Variants in FMN2 observed in about 807,000 individuals in gnomAD.
The protein encoded by FMN2 is formin 2, also known as formin-2.
FMN2 carries 51 observed loss-of-function variants against 142.3 expected under a neutral mutation model. The observed-to-expected ratio is 0.36, with a 90% CI of 0.29 to 0.45. FMN2 has a LOEUF of 0.45. Among genes scored for constraint, FMN2 ranks in the 20% least tolerant of loss-of-function variants. The pLI is 1.00. For synonymous variants in FMN2, 882 were observed against 869.8 expected (o/e 1.01, Z -0.25); for missense variants, 1,936 against 2,122.8 (o/e 0.91, Z 1.73).
At chr1:240,430,532 G>C (rs535006040) in intron 15 of FMN2, among the ~76,000 whole-genome samples, 1 of 151,822 alleles carries the variant, frequency 6.6e-6, no homozygotes, top group East Asian at 1.9e-4. Context: ...TTTCTCTTTT[G>C]ATTAGTCCTT....
chr1:240,438,343 G>C (rs1336447077), intron 16 of FMN2, 133 bp downstream of exon 16: 2 of 972,322 alleles, frequency 2.1e-6, no homozygotes, highest in Non-Finnish European at 3.0e-6. Context: ...AGTTGAAGAG[G>C]ATGCTGACAT....
intron 14 of FMN2, among the ~76,000 whole-genome samples, chr1:240,361,179 A>ATATATATATG (rs1672467593): frequency 1.9e-5 from 2 of 105,990 alleles, no homozygotes; most frequent in Admixed American, 8.9e-5. Context: ...ATATATATAT[A>ATATATATATG]TATATAAAAG....
chr1:240,222,784 C>T (rs891748749), intron 6 of FMN2, among the ~76,000 whole-genome samples: 1 of 151,990 alleles, frequency 6.6e-6, no homozygotes, highest in Non-Finnish European at 1.5e-5. Flanking sequence ...CATGATTTGG[C>T]TCTCTGTTTG....
intron 1 of FMN2, among the ~76,000 whole-genome samples, chr1:240,096,462 G>C (rs1419727903): frequency 6.6e-6 from 1 of 152,134 alleles, no homozygotes; most frequent in Non-Finnish European, 1.5e-5. Flanking sequence ...ACAGGCCCTT[G>C]TGTCTCAGCT....
chr1:240,172,922 C>G (rs575556094), intron 2 of FMN2, among the ~76,000 whole-genome samples: 1 of 150,876 alleles, frequency 6.6e-6, no homozygotes, highest in Non-Finnish European at 1.5e-5. Flanking sequence ...GCCAGTGGCC[C>G]TTTTTTTTGT....
At chr1:240,098,096 A>ATTT (rs1558293621) in intron 1 of FMN2, among the ~76,000 whole-genome samples, 1 of 81,194 alleles carries the variant, frequency 1.2e-5, no homozygotes, top group African/African-American at 7.1e-5. Flanking sequence ...GGTTATCTTG[A>ATTT]ATTTTTTTTT....
rs375828040 is a variant in FMN2 at position 240,231,093 on chromosome 1, A to G, written c.4065+19858A>G. ...CTTGGCTGTTGTGTTGTAAGTAAAA[A>G]CTTTCCTATTCCAGTAATGCCAGCC... On this transcript the variant is annotated intron_variant, in intron 6 of 17. Transcript: ENST00000319653. Among the ~76,000 whole-genome samples the G allele has an allele frequency of 1.2e-3, 161 of 131,470 alleles. 45 individuals carry two copies. The highest frequency in any genetic ancestry group is 5.1e-3 in the African/African-American group (158 of 30,694). 86.2% of individuals were successfully genotyped at this position (131,470 alleles called of 152,430 possible).
intron 13 of FMN2, among the ~76,000 whole-genome samples, chr1:240,342,436 T>C (rs1036693470): frequency 6.6e-6 from 1 of 152,224 alleles, no homozygotes; most frequent in African/African-American, 2.4e-5. Flanking sequence ...GTAATTTGAT[T>C]CTTGTAGGAA....
chr1:240,470,025 T>G (rs1459991035), intron 16 of FMN2, among the ~76,000 whole-genome samples: 1 of 152,172 alleles, frequency 6.6e-6, no homozygotes, highest in African/African-American at 2.4e-5. Flanking sequence ...TGTATTAGAC[T>G]CGGTTTCCTG....
rs58002724 is a variant in FMN2, at chr1:240,355,951, C to CAAAAAAAAAAAAA, written c.4858+66_4858+78dup. On this transcript the variant is annotated intron_variant, in intron 14 of 17. Coordinates refer to ENST00000319653, the MANE Select transcript of FMN2 (RefSeq NM_020066.5). ...GTGTTATGTTTTTCTCCCCTTTCAG[C>CAAAAAAAAAAAAA]AAAAAAAAAAAAAAAAAAAAAAAAA... The CAAAAAAAAAAAAA allele has an allele frequency of 5.7e-4, 143 of 252,900 alleles. 7 individuals carry two copies. Among genetic ancestry groups the CAAAAAAAAAAAAA allele is most frequent in the African/African-American group, 1.7e-3 (43 of 25,940 alleles). The allele number at this position is 252,900 out of a possible 1,614,324, so 15.7% of individuals were successfully genotyped here.
At chr1:240,148,977 A>AAAAATAAAT (rs145912288) in intron 2 of FMN2, among the ~76,000 whole-genome samples, 2 of 150,054 alleles carry the variant, frequency 1.3e-5, no homozygotes, top group Admixed American at 6.7e-5. Context: ...GTCTCAAAAA[A>AAAAATAAAT]AAATAAATAA....
intron 2 of FMN2, among the ~76,000 whole-genome samples, chr1:240,124,654 TA>T (rs1348608671): frequency 3.9e-5 from 6 of 152,078 alleles, no homozygotes; most frequent in Admixed American, 3.9e-4. Flanking sequence ...CCAGGATTTT[TA>T]GTTGAGGATA....
rs571591002 is a variant in FMN2, at chr1:240,214,427, C to G, written c.4065+3192C>G. ...TTAGCCGGGCGTGGCAGCAGGTGCC[C>G]GTAGTCTCAGCTACTCGGGAGGCTG... On this transcript the variant is annotated intron_variant, in intron 6 of 17. Coordinates refer to ENST00000319653, the MANE Select transcript of FMN2 (RefSeq NM_020066.5). 1.7e-4 allele frequency among the ~76,000 whole-genome samples: 26 copies of G among 151,388 alleles called. 1 individual carries two copies. The South Asian group carries it at 5.4e-3, about 32-fold the overall frequency.
chr1:240,271,254 CA>C (rs1412845380), intron 7 of FMN2, among the ~76,000 whole-genome samples: 3 of 151,604 alleles, frequency 2.0e-5, no homozygotes, highest in Non-Finnish European at 4.4e-5. Flanking sequence ...AGGTCCTTTT[CA>C]TAGAGTCTGG....
At chr1:240,426,489 T>A (rs562817214) in intron 15 of FMN2, among the ~76,000 whole-genome samples, 1 of 152,296 alleles carries the variant, frequency 6.6e-6, no homozygotes, top group East Asian at 1.9e-4. Flanking sequence ...TATATGCACT[T>A]GTGATTTTTA....
At chr1:240,244,016 G>A (rs564528426) in intron 6 of FMN2, among the ~76,000 whole-genome samples, 15 of 152,198 alleles carry the variant, frequency 9.9e-5, no homozygotes, top group East Asian at 7.7e-4. Flanking sequence ...CTCTAATGTC[G>A]TTTGAGAAAC....
At chr1:240,387,021 ACAT>A (rs1386270307) in intron 14 of FMN2, among the ~76,000 whole-genome samples, 1 of 152,210 alleles carries the variant, frequency 6.6e-6, no homozygotes, top group Non-Finnish European at 1.5e-5. Context: ...AAAAGGGGAA[ACAT>A]CATTGCTAAA....
intron 1 of FMN2, among the ~76,000 whole-genome samples, chr1:240,112,985 GA>G (rs1349916003): frequency 2.0e-5 from 3 of 152,216 alleles, no homozygotes; most frequent in Non-Finnish European, 2.9e-5. Flanking sequence ...AGGAGCTCAG[GA>G]AATATGGTTG....
intron 8 of FMN2, among the ~76,000 whole-genome samples, chr1:240,321,265 G>A (rs550534438): frequency 1.4e-4 from 21 of 151,832 alleles, no homozygotes; most frequent in Middle Eastern, 3.4e-3. Context: ...AGCCAGTTAC[G>A]TCAAGGAAAA....
Sources: gnomAD v4.1 joint callset for allele counts (sites outside exome capture counted in the v4.1 genomes callset) on GRCh38, gnomAD v4.1.1 for gene constraint, MANE v1.5 for transcripts, NCBI Gene and HGNC (gene_info 2026-07-23, HGNC 2026-07-21) for gene names.